The following SASH1 variants were observed in gnomAD, a reference collection of about 807,000 sequenced individuals.
SASH1 encodes the protein SAM and SH3 domain containing 1.
SASH1 carries 44 observed loss-of-function variants against 125.2 expected under a neutral mutation model. The observed-to-expected ratio is 0.35, with a 90% CI of 0.28 to 0.45. The LOEUF (loss-of-function observed/expected upper bound fraction) is 0.45, where lower values mean the gene tolerates loss of function less well. Among genes scored for constraint, SASH1 ranks in the 20% least tolerant of loss-of-function variants. SASH1 has a pLI of 1.00. For synonymous variants in SASH1, 639 were observed against 649.1 expected, an observed-to-expected ratio of 0.98 and a Z score of 0.24; for missense variants, 1,426 against 1,614.5, an observed-to-expected ratio of 0.88 and a Z score of 2.00.
Position 148,290,728 on chromosome 6 carries a change from C to A in SASH1, n.74+18351C>A, listed in dbSNP as rs1016935474. ...CAAGTACCCAGGGACACAAACACTG[C>A]GGAAGGCGGAAGGCGGCAGGGCCCT... On this transcript the variant is annotated intron_variant and non_coding_transcript_variant, in intron 1 of 3. Coordinates refer to the SASH1 transcript ENST00000367469. 7.5e-4 allele frequency among the ~76,000 whole-genome samples: 27 copies of A among 35,778 alleles called. 3 individuals carry two copies. The highest frequency in any genetic ancestry group is 5.0e-3 in the Admixed American group (23 of 4,620). The allele number at this position is 35,778 out of a possible 152,430, so 23.5% of individuals were successfully genotyped here.
chr6:148,500,833 T>C (rs565534825), intron 8 of SASH1, among the ~76,000 whole-genome samples: 55 of 152,314 alleles, frequency 3.6e-4, no homozygotes, highest in African/African-American at 1.3e-3. Flanking sequence ...TTTGCTCATT[T>C]TGTTAGTCGT....
At chr6:148,217,998 G>T in the SASH1 span, among the ~76,000 whole-genome samples, 1 of 148,600 alleles carries the variant, frequency 6.7e-6, no homozygotes, top group East Asian at 2.0e-4. Flanking sequence ...CTGGGTGAAA[G>T]AATGAGACTC....
In SASH1 at chr6:148,546,166, C is replaced by T. The variant is rs763208226; in HGVS notation, c.3480+20C>T. 3 of 1,610,604 alleles carry T rather than the reference C, an allele frequency of 1.9e-6. No individual in the cohort carries two copies. Among genetic ancestry groups the T allele is most frequent in the Non-Finnish European group, 1.7e-6 (2 of 1,178,610 alleles). Reference sequence around the variant, plus strand: ...ATGGCGGTGAGCAGCCCACAGTTCTCCAGCTTCCTGAGGCACATTTAGTGA... The same window carrying T: ...ATGGCGGTGAGCAGCCCACAGTTCTTCAGCTTCCTGAGGCACATTTAGTGA... On this transcript the variant is annotated intron_variant, in intron 19 of 19. Transcript: ENST00000367467.
intron 1 of SASH1, among the ~76,000 whole-genome samples, chr6:148,292,157 T>C (rs1779651981): frequency 1.3e-5 from 2 of 152,232 alleles, no homozygotes; most frequent in South Asian, 4.1e-4. Flanking sequence ...TTGTCTTCTG[T>C]GATGATCTTT....
At chr6:148,473,658 T>C (rs1362394528) in intron 6 of SASH1, among the ~76,000 whole-genome samples, 3 of 152,230 alleles carry the variant, frequency 2.0e-5, no homozygotes, top group Admixed American at 6.5e-5. Flanking sequence ...TAGGATTCTT[T>C]CCCACTTCTT....
intron 2 of SASH1, among the ~76,000 whole-genome samples, chr6:148,425,251 T>C (rs1775765296): frequency 6.6e-6 from 1 of 152,210 alleles, no homozygotes; most frequent in African/African-American, 2.4e-5. Context: ...GTCAGTATAT[T>C]GTAGTACCTA....
chr6:148,349,809 A>G (rs1208181629), intron 1 of SASH1, among the ~76,000 whole-genome samples: 1 of 151,378 alleles, frequency 6.6e-6, no homozygotes, highest in Non-Finnish European at 1.5e-5. Flanking sequence ...TTAATGCAAG[A>G]CATTTTAGAG....
intron 4 of SASH1, among the ~76,000 whole-genome samples, chr6:148,445,521 C>G (rs1007347385): frequency 6.6e-6 from 1 of 152,190 alleles, no homozygotes; most frequent in Non-Finnish European, 1.5e-5. Flanking sequence ...CGCAGAAAAC[C>G]TGACAAATAG....
chr6:148,401,782 G>T (rs1336101113), intron 2 of SASH1, among the ~76,000 whole-genome samples: 1 of 145,676 alleles, frequency 6.9e-6, no homozygotes, highest in African/African-American at 2.5e-5. Flanking sequence ...CTGGATGTGT[G>T]TGTGGGGGGG....
At chr6:148,472,928 G>A (rs1311560944) in intron 6 of SASH1, among the ~76,000 whole-genome samples, 1 of 152,184 alleles carries the variant, frequency 6.6e-6, no homozygotes, top group Non-Finnish European at 1.5e-5. Flanking sequence ...CAGGGTGTGG[G>A]ACTGGAGTGG....
At chr6:148,273,296 CTTT>C (rs758727802) in intron 1 of SASH1, among the ~76,000 whole-genome samples, 1 of 134,664 alleles carries the variant, frequency 7.4e-6, no homozygotes, top group Non-Finnish European at 1.6e-5. Context: ...TTCTTTCTTT[CTTT>C]TTTTTTTTTT....
At chr6:148,422,193 G>T (rs187464065) in intron 2 of SASH1, among the ~76,000 whole-genome samples, 2 of 152,282 alleles carry the variant, frequency 1.3e-5, no homozygotes, top group East Asian at 1.9e-4. Flanking sequence ...TGCAGACAGG[G>T]CTGCTTTTAT....
intron 8 of SASH1, among the ~76,000 whole-genome samples, chr6:148,494,841 T>C (rs1052357688): frequency 1.9e-4 from 29 of 152,236 alleles, no homozygotes; most frequent in African/African-American, 6.8e-4. Context: ...GCCGTGGAGC[T>C]ATTTTCAATG....
chr6:148,399,757 T>A (rs531540607), intron 2 of SASH1, among the ~76,000 whole-genome samples: 1 of 152,272 alleles, frequency 6.6e-6, no homozygotes, highest in South Asian at 2.1e-4. Flanking sequence ...GTGGCCACTT[T>A]GATGGCGGAA....
At chr6:148,361,340 G>C (rs1259516098) in intron 1 of SASH1, among the ~76,000 whole-genome samples, 1 of 152,204 alleles carries the variant, frequency 6.6e-6, no homozygotes, top group Non-Finnish European at 1.5e-5. Flanking sequence ...GCTCATGCCT[G>C]TAATCCCAGC....
At chr6:148,422,828 AG>A (rs1469087427) in intron 2 of SASH1, among the ~76,000 whole-genome samples, 2 of 152,212 alleles carry the variant, frequency 1.3e-5, no homozygotes, top group African/African-American at 2.4e-5. Flanking sequence ...ACCAATAAAA[AG>A]TTTGCCCTGG....
intron 1 of SASH1, among the ~76,000 whole-genome samples, chr6:148,388,707 G>A (rs1189107332): frequency 6.6e-6 from 1 of 152,252 alleles, no homozygotes. Context: ...TGACCAGGGT[G>A]TAGGTCTTTA....
chr6:148,301,373 C>A (rs1328188573), intron 1 of SASH1, among the ~76,000 whole-genome samples: 1 of 150,436 alleles, frequency 6.6e-6, no homozygotes, highest in Non-Finnish European at 1.5e-5. Flanking sequence ...TTAAGTGATT[C>A]TCCTGCCTCT....
At chr6:148,358,627 TA>T (rs1453811979) in intron 1 of SASH1, among the ~76,000 whole-genome samples, 1 of 152,144 alleles carries the variant, frequency 6.6e-6, no homozygotes, top group African/African-American at 2.4e-5. Flanking sequence ...AACTATCTTT[TA>T]AAACTAGAAG....
Sources: gnomAD v4.1 joint callset for allele counts (sites outside exome capture counted in the v4.1 genomes callset) on GRCh38, gnomAD v4.1.1 for gene constraint, MANE v1.5 for transcripts, NCBI Gene and HGNC (gene_info 2026-07-23, HGNC 2026-07-21) for gene names.